The following XPO4 variants were observed in gnomAD, a reference collection of about 807,000 sequenced individuals.
XPO4 encodes exportin-4.
Under a neutral mutation model 143.0 loss-of-function variants are expected in XPO4, and 39 were observed. The ratio of observed to expected loss-of-function variants is 0.27; its 90% CI spans 0.21 to 0.36. The LOEUF is 0.36. Ranked by LOEUF, XPO4 falls within the 10% of genes least tolerant of loss-of-function variation. The pLI is 1.00. For missense variants in XPO4, 907 were observed against 1,348.0 expected (o/e 0.67, Z 5.12); for synonymous variants, 439 against 474.0 (o/e 0.93, Z 0.96).
chr13:20,883,622 G>A (rs1174932653), intron 1 of XPO4, among the ~76,000 whole-genome samples: 1 of 152,154 alleles, frequency 6.6e-6, no homozygotes, highest in Admixed American at 6.5e-5. Context: ...TATAATGAAA[G>A]CATGTTCCTA....
At chr13:20,809,295 A>G (rs1300389248) in intron 10 of XPO4, 70 bp from the exon 11 acceptor site, 3 of 1,549,504 alleles carry the variant, frequency 1.9e-6, no homozygotes, top group Non-Finnish European at 2.6e-6. Context: ...CTGTGGCTCC[A>G]TAACATAGCT....
chr13:20,835,315 G>A (rs2059903026), intron 6 of XPO4, among the ~76,000 whole-genome samples: 2 of 152,136 alleles, frequency 1.3e-5, no homozygotes, highest in Non-Finnish European at 1.5e-5. Flanking sequence ...CACTCTCCTT[G>A]CAATTCTATC....
intron 9 of XPO4, 59 bp from the exon 10 acceptor site, chr13:20,810,026 C>G: frequency 7.0e-7 from 1 of 1,423,338 alleles, no homozygotes; most frequent in African/African-American, 1.4e-5. Flanking sequence ...GGCATAACAA[C>G]AGTCATATAA....
At chr13:20,795,991 A>T in intron 18 of XPO4, 85 bp downstream of exon 18, 1 of 1,340,010 alleles carries the variant, frequency 7.5e-7, no homozygotes, top group Non-Finnish European at 1.0e-6. Flanking sequence ...TTTCCTCATG[A>T]GATGTCTCTT....
intron 1 of XPO4, among the ~76,000 whole-genome samples, chr13:20,874,736 G>T (rs1438610822): frequency 6.6e-6 from 1 of 152,202 alleles, no homozygotes; most frequent in Non-Finnish European, 1.5e-5. Context: ...GCTCACGCCT[G>T]TAATCCTAGC....
chr13:20,867,626 G>A (rs1054688889), intron 2 of XPO4, among the ~76,000 whole-genome samples: 11 of 152,156 alleles, frequency 7.2e-5, no homozygotes, highest in Admixed American at 2.0e-4. Flanking sequence ...CACTACAATC[G>A]AACAACTCTC....
At chr13:20,886,536 C>T (rs1003240526) in intron 1 of XPO4, among the ~76,000 whole-genome samples, 1 of 151,956 alleles carries the variant, frequency 6.6e-6, no homozygotes, top group Non-Finnish European at 1.5e-5. Context: ...CCCTTGAACC[C>T]AAGATGCGGT....
chr13:20,782,336 A>G lies in XPO4; in HGVS notation c.*1386T>C, dbSNP rs1469193381. 2 of 152,242 alleles carry G rather than the reference A, an allele frequency of 1.3e-5. No homozygotes were observed. Among genetic ancestry groups the G allele is most frequent in the Non-Finnish European group, 2.9e-5 (2 of 68,046 alleles). The allele number at this position is 152,242 out of a possible 1,614,324, so 9.4% of individuals were successfully genotyped here. A position where few individuals can be genotyped will look rare whatever the true frequency, so the allele number is the denominator to read the frequency against. Reference sequence around the variant, plus strand: ...GTCACTGTGCTGTGAAAGTACTGCAATGAGTGGAGTTTCATATGCCTGCTG... The same window carrying G: ...GTCACTGTGCTGTGAAAGTACTGCAGTGAGTGGAGTTTCATATGCCTGCTG... On this transcript the variant is annotated 3_prime_UTR_variant, in exon 23 of 23. Transcript: ENST00000255305.
intron 4 of XPO4, 85 bp from the exon 5 acceptor site, chr13:20,843,971 A>T: frequency 1.0e-6 from 1 of 981,410 alleles, no homozygotes; most frequent in Non-Finnish European, 1.6e-6. Flanking sequence ...ATAATAGAAC[A>T]TTTTCTCCCT....
intron 22 of XPO4, among the ~76,000 whole-genome samples, chr13:20,784,939 C>T (rs2059182117): frequency 6.6e-6 from 1 of 152,128 alleles, no homozygotes; most frequent in African/African-American, 2.4e-5. Flanking sequence ...GAGATCCTGT[C>T]TCACTGCAAC....
At position 20,779,098 on chromosome 13, in the gene XPO4, T is replaced by C. The variant is rs1018844816; in HGVS notation, c.*4624A>G. 67 of 152,314 alleles carry C rather than the reference T, an allele frequency of 4.4e-4. No homozygotes were observed. The highest frequency in any genetic ancestry group is 1.6e-3 in the African/African-American group (65 of 41,572). 9.4% of individuals were successfully genotyped at this position (152,314 alleles called of 1,614,324 possible). On this transcript the variant is annotated 3_prime_UTR_variant, in exon 23 of 23. Coordinates refer to ENST00000255305, the MANE Select transcript of XPO4 (RefSeq NM_022459.5). Reference sequence around the variant, plus strand: ...AATATTTAAACAGTACACTCATCCCTGGGTCTTTAAATAAAACTGAAAAGT... The same window carrying C: ...AATATTTAAACAGTACACTCATCCCCGGGTCTTTAAATAAAACTGAAAAGT...
In XPO4 at chr13:20,861,775, CTCT is replaced by C. The variant is rs869036631; in HGVS notation, c.317+939_317+941del. 5.4e-4 allele frequency among the ~76,000 whole-genome samples: 67 copies of C among 123,252 alleles called. 2 individuals carry two copies. The South Asian group carries it at 0.017, about 32-fold the overall frequency. The allele number at this position is 123,252 out of a possible 152,430, so 80.9% of individuals were successfully genotyped here. On this transcript the variant is annotated intron_variant, in intron 3 of 22. Coordinates refer to ENST00000255305, the MANE Select transcript of XPO4 (RefSeq NM_022459.5). Reference sequence around the variant, plus strand: ...TCTTAATAGAACCTTGCACATTTCTCTCTTTTTTTTTTTTTTTTTTTTTTTTTT... The same window carrying C: ...TCTTAATAGAACCTTGCACATTTCTCTTTTTTTTTTTTTTTTTTTTTTTTT...
At chr13:20,896,676 AT>A (rs974248644) in intron 1 of XPO4, among the ~76,000 whole-genome samples, 2 of 152,072 alleles carry the variant, frequency 1.3e-5, no homozygotes, top group African/African-American at 4.8e-5. Context: ...GCAAATAATC[AT>A]TTTTTGGCCT....
chr13:20,795,954 C>G (rs1001986370), intron 18 of XPO4, 122 bp downstream of exon 18: 10 of 1,112,496 alleles, frequency 9.0e-6, no homozygotes, highest in Non-Finnish European at 1.3e-5. Context: ...CCACAAAGAT[C>G]TTCTTTCATT....
intron 9 of XPO4, among the ~76,000 whole-genome samples, chr13:20,816,987 T>C (rs1315506299): frequency 6.6e-6 from 1 of 152,224 alleles, no homozygotes; most frequent in Non-Finnish European, 1.5e-5. Flanking sequence ...ATGTGCTTGA[T>C]GGGTGGGGGG....
intron 2 of XPO4, among the ~76,000 whole-genome samples, chr13:20,867,171 C>T (rs964546258): frequency 1.3e-5 from 2 of 152,104 alleles, no homozygotes; most frequent in African/African-American, 2.4e-5. Context: ...GTGCCAGAAA[C>T]GAATCCACAC....
chr13:20,800,430 G>T, intron 14 of XPO4, 105 bp from the exon 15 acceptor site: 2 of 1,054,604 alleles, frequency 1.9e-6, no homozygotes, highest in Non-Finnish European at 2.7e-6. Flanking sequence ...CTGAAGTAGT[G>T]CTTACTTCAC....
chr13:20,840,261 G>A (rs1469212731), intron 6 of XPO4, among the ~76,000 whole-genome samples: 1 of 151,844 alleles, frequency 6.6e-6, no homozygotes, highest in African/African-American at 2.4e-5. Context: ...CAGGGTGAGT[G>A]CAGTGGCATG....
chr13:20,897,298 A>T (rs2060578971), intron 1 of XPO4, among the ~76,000 whole-genome samples: 1 of 152,176 alleles, frequency 6.6e-6, no homozygotes, highest in African/African-American at 2.4e-5. Context: ...CTACTACATA[A>T]ATGCTCAAAT....
Sources: gnomAD v4.1 joint callset for allele counts (sites outside exome capture counted in the v4.1 genomes callset) on GRCh38, gnomAD v4.1.1 for gene constraint, MANE v1.5 for transcripts, NCBI Gene and HGNC (gene_info 2026-07-23, HGNC 2026-07-21) for gene names.